The following ARL15 variants were observed in gnomAD, a reference collection of about 807,000 sequenced individuals.
ARL15 encodes the protein ARF like GTPase 15.
A neutral mutation model predicts 25.2 loss-of-function variants in ARL15; 19 were observed. That is an observed-to-expected ratio of 0.75 (90% CI 0.53 to 1.10). The LOEUF is 1.10. Ranked by LOEUF, ARL15 falls within the 50% of genes least tolerant of loss-of-function variation. The probability of loss-of-function intolerance (pLI) is 0.00; values close to 1 mark genes in which losing one functional copy is unlikely to be tolerated. For missense variants in ARL15, 220 were observed against 246.0 expected, an observed-to-expected ratio of 0.89 and a Z score of 0.71; for synonymous variants, 94 against 86.8, an observed-to-expected ratio of 1.08 and a Z score of -0.46.
intron 1 of ARL15, among the ~76,000 whole-genome samples, chr5:54,212,128 G>A (rs1484062605): frequency 6.6e-6 from 1 of 152,176 alleles, no homozygotes; most frequent in Non-Finnish European, 1.5e-5. Flanking sequence ...GTCATAGCAT[G>A]AAGGCAGCCA....
In ARL15 at chr5:54,310,506, C is replaced by T; in HGVS notation, c.-27G>A. Reference sequence around the variant, plus strand: ...CGGCAGCCTAAAGCATCCGGAACGGCTCCGAACCCGGAAAAAAAAAGCAGC... The same window carrying T: ...CGGCAGCCTAAAGCATCCGGAACGGTTCCGAACCCGGAAAAAAAAAGCAGC... On this transcript the variant is annotated 5_prime_UTR_variant, in exon 1 of 5. Transcript: ENST00000504924. 1 of 1,585,866 alleles carries T rather than the reference C, an allele frequency of 6.3e-7. No individual in the cohort carries two copies. The highest frequency in any genetic ancestry group is 2.3e-5 in the East Asian group (1 of 43,202).
intron 4 of ARL15, among the ~76,000 whole-genome samples, chr5:54,050,109 G>A (rs894170122): frequency 2.9e-4 from 44 of 152,200 alleles, no homozygotes; most frequent in Admixed American, 8.5e-4. Flanking sequence ...ATGTGACAAC[G>A]AAGAATTCAA....
chr5:53,958,309 G>A (rs1288689082), intron 4 of ARL15, among the ~76,000 whole-genome samples: 11 of 152,120 alleles, frequency 7.2e-5, no homozygotes, highest in Non-Finnish European at 1.5e-4. Flanking sequence ...GAACAAAGCC[G>A]TACAGAAGCA....
chr5:54,267,382 C>T (rs939244969), intron 1 of ARL15, among the ~76,000 whole-genome samples: 4 of 152,174 alleles, frequency 2.6e-5, no homozygotes, highest in Admixed American at 2.6e-4. Context: ...TGAGCCACCG[C>T]GCCTGGCCAG....
chr5:54,207,723 G>C (rs1220931526), intron 1 of ARL15, among the ~76,000 whole-genome samples: 1 of 152,202 alleles, frequency 6.6e-6, no homozygotes, highest in Non-Finnish European at 1.5e-5. Flanking sequence ...CCACAAGACA[G>C]TTTGTTCCCT....
At chr5:54,055,822 C>T (rs978108336) in intron 4 of ARL15, among the ~76,000 whole-genome samples, 6 of 152,112 alleles carry the variant, frequency 3.9e-5, no homozygotes, top group South Asian at 2.1e-4. Flanking sequence ...TGGCATTCCA[C>T]TGAAATATTA....
chr5:54,048,457 C>CAATG (rs1561202228), intron 4 of ARL15: 1 of 147,504 alleles, frequency 6.8e-6, no homozygotes, highest in African/African-American at 2.5e-5. Context: ...GGCTAGAATG[C>CAATG]AATGGCACGA....
intron 1 of ARL15, among the ~76,000 whole-genome samples, chr5:54,249,013 G>T (rs568841126): frequency 6.6e-6 from 1 of 152,056 alleles, no homozygotes; most frequent in South Asian, 2.1e-4. Context: ...GGTCAACCTG[G>T]GCACTGCAGT....
At chr5:54,050,252 C>T (rs1750664365) in intron 4 of ARL15, among the ~76,000 whole-genome samples, 1 of 152,180 alleles carries the variant, frequency 6.6e-6, no homozygotes, top group Admixed American at 6.5e-5. Context: ...AGGGATTTAA[C>T]TCTTACTTAT....
chr5:54,266,507 G>GA (rs1757631374), intron 1 of ARL15, among the ~76,000 whole-genome samples: 1 of 152,098 alleles, frequency 6.6e-6, no homozygotes, highest in Non-Finnish European at 1.5e-5. Context: ...CCAGAAACCG[G>GA]AAAAATCTAT....
chr5:53,894,959 T>G (rs1295255556), intron 4 of ARL15, among the ~76,000 whole-genome samples: 1 of 152,204 alleles, frequency 6.6e-6, no homozygotes. Flanking sequence ...AATAAAATTT[T>G]ATTAGAACTC....
rs1284064866 is a variant in ARL15 at position 54,261,498 on chromosome 5, T to C, written c.48+48934A>G. Among the ~76,000 whole-genome samples the C allele has an allele frequency of 2.0e-5, 3 of 152,108 alleles. No individual in the cohort carries two copies. The East Asian group carries it at 5.8e-4, about 29-fold the overall frequency. ...ACATATAGTAGATATTCAATAGTTA[T>C]TTGTCAAACTGAACTGGACATATGT... On this transcript the variant is annotated intron_variant, in intron 1 of 4. Transcript: ENST00000504924.
chr5:54,012,506 C>T (rs1301678911), intron 4 of ARL15, among the ~76,000 whole-genome samples: 1 of 151,208 alleles, frequency 6.6e-6, no homozygotes, highest in Non-Finnish European at 1.5e-5. Flanking sequence ...AAACAAACAA[C>T]AAAAAATAAT....
intron 3 of ARL15, among the ~76,000 whole-genome samples, chr5:54,125,711 T>A (rs1753230490): frequency 1.3e-5 from 2 of 152,240 alleles, no homozygotes; most frequent in Admixed American, 1.3e-4. Context: ...CTGGGTCAAA[T>A]GTTAATTCTA....
intron 4 of ARL15, among the ~76,000 whole-genome samples, chr5:54,031,186 C>T (rs1241391579): frequency 2.0e-5 from 3 of 152,124 alleles, no homozygotes; most frequent in Admixed American, 6.5e-5. Context: ...GCCGACATAG[C>T]ATTTTTTAAT....
intron 4 of ARL15, among the ~76,000 whole-genome samples, chr5:53,911,361 C>A (rs1745458257): frequency 1.3e-5 from 2 of 152,032 alleles, no homozygotes; most frequent in South Asian, 4.2e-4. Context: ...TCCTTCTTTC[C>A]TTTGTCCTTT....
chr5:53,986,466 G>A (rs915916007), intron 4 of ARL15, among the ~76,000 whole-genome samples: 1 of 152,200 alleles, frequency 6.6e-6, no homozygotes, highest in African/African-American at 2.4e-5. Flanking sequence ...GCTAAAATCT[G>A]TGTTAAAATG....
intron 4 of ARL15, among the ~76,000 whole-genome samples, chr5:53,930,193 T>C (rs1746155594): frequency 6.6e-6 from 1 of 152,192 alleles, no homozygotes; most frequent in African/African-American, 2.4e-5. Context: ...TCCCATCCAA[T>C]ATATACTGCA....
At chr5:54,173,120 T>C (rs1579872390) in intron 1 of ARL15, among the ~76,000 whole-genome samples, 1 of 150,528 alleles carries the variant, frequency 6.6e-6, no homozygotes, top group Admixed American at 6.6e-5. Context: ...GTGGCAGAGG[T>C]TGCAGTGAGC....
Sources: allele counts gnomAD v4.1 joint callset (sites outside exome capture counted in the v4.1 genomes callset), GRCh38; gene constraint gnomAD v4.1.1; transcripts MANE v1.5; gene names NCBI Gene and HGNC (gene_info 2026-07-23, HGNC 2026-07-21).